Variants in UBL7 observed in about 807,000 individuals in gnomAD.
UBL7 encodes ubiquitin-like protein 7.
UBL7 carries 21 observed loss-of-function variants against 41.7 expected under a neutral mutation model. The observed-to-expected ratio is 0.50, with a 90% CI of 0.36 to 0.73. The LOEUF (loss-of-function observed/expected upper bound fraction) is 0.73. Ranked by LOEUF, UBL7 falls within the 30% of genes least tolerant of loss-of-function variation. The probability of loss-of-function intolerance (pLI) is 0.00; values close to 1 mark genes in which losing one functional copy is unlikely to be tolerated. For synonymous variants in UBL7, 157 were observed against 186.9 expected (o/e 0.84, Z 1.31); for missense variants, 403 against 478.4 (o/e 0.84, Z 1.47).
chr15:74,449,311 G>C lies in UBL7; in HGVS notation c.757C>G (p.Pro253Ala). The C allele has an allele frequency of 6.2e-7, 1 of 1,614,068 alleles. No homozygotes were observed. The highest frequency in any genetic ancestry group is 1.3e-5 in the African/African-American group (1 of 75,054). Residue 253 changes from proline (P) to alanine (A), a missense_variant, in exon 9 of 11, where the codon CCA (proline) becomes GCA (alanine). Pro to Ala is a conservative substitution (Grantham distance 27). Coordinates refer to ENST00000395081, the MANE Select transcript of UBL7 (RefSeq NM_032907.5). ...GCTCCACTGTACCCCAGGGAGGCTGGGCGGGAGCTGGGAGTACTGCTAGAG... is the reference window on the plus strand; with the variant it reads ...GCTCCACTGTACCCCAGGGAGGCTGCGCGGGAGCTGGGAGTACTGCTAGAG... ...TPSSSTPSSR[P>A]ASLGYSGAAG...
chr15:74,461,099 C>G lies in UBL7; in HGVS notation c.-92G>C, dbSNP rs1358590437. 3 of 999,756 alleles carry G rather than the reference C, an allele frequency of 3.0e-6. No homozygotes were observed. The highest frequency in any genetic ancestry group is 3.6e-6 in the Non-Finnish European group (3 of 837,314). The allele number at this position is 999,756 out of a possible 1,614,324, so 61.9% of individuals were successfully genotyped here. On this transcript the variant is annotated 5_prime_UTR_variant, in exon 1 of 11. Transcript: ENST00000395081. The stretch of plus-strand genomic sequence containing the variant: ...GAGCCCGCGCTGCCCAGGGCCCCAG[C>G]GCCCTCACCCGTCCCGCGGAAGGAA...
chr15:74,449,270 G>A lies in UBL7; in HGVS notation c.798C>T (p.Pro266=), dbSNP rs376258695. The change falls in exon 9 of 11, where the codon CCC becomes CCT. Residue 266 remains proline, a synonymous_variant. Transcript: ENST00000395081. ...LGYSGAAGPR[P]ITQSELATAL... is the part of the protein sequence containing the mutation. The stretch of plus-strand genomic sequence containing the variant: ...CGGTGGCCAGCTCACTCTGGGTGAT[G>A]GGCCGGGGCCCAGCAGCTCCACTGT... The A allele has an allele frequency of 1.9e-6, 3 of 1,612,860 alleles. No homozygotes were observed. The highest frequency in any genetic ancestry group is 1.7e-6 in the Non-Finnish European group (2 of 1,179,534).
intron 1 of UBL7, among the ~76,000 whole-genome samples, chr15:74,459,764 A>C (rs2061330529): frequency 6.6e-6 from 1 of 151,190 alleles, no homozygotes; most frequent in African/African-American, 2.4e-5. Context: ...TCAAGAGTTC[A>C]AGACCAGCCT....
In UBL7 at chr15:74,449,637, C is replaced by A; in HGVS notation, c.703G>T (p.Asp235Tyr). Reference protein sequence around the residue: ...LFEGLSDDEDDFHPNTRSTPS... With the variant: ...LFEGLSDDEDYFHPNTRSTPS... Reference sequence around the variant, plus strand: ...GGCAGGCCACTTACTGGGTGAAAGTCATCCTCATCATCTGAGAGCCCTTCA... The same window carrying A: ...GGCAGGCCACTTACTGGGTGAAAGTAATCCTCATCATCTGAGAGCCCTTCA... The change falls in exon 8 of 11, where the codon GAC becomes TAC. Residue 235 changes from aspartate to tyrosine, a missense_variant. Coordinates refer to ENST00000395081, the MANE Select transcript of UBL7 (RefSeq NM_032907.5). 6.2e-7 allele frequency: 1 copy of A among 1,614,126 alleles called. No homozygotes were observed. The highest frequency in any genetic ancestry group is 8.5e-7 in the Non-Finnish European group (1 of 1,180,032).
In UBL7 at chr15:74,458,713, T is replaced by C. The variant is rs1206395886; in HGVS notation, c.155A>G (p.Gln52Arg). The change falls in exon 2 of 11, where the codon CAG (glutamine) becomes CGG (arginine). Residue 52 changes from glutamine to arginine, a missense_variant. Physicochemically the swap from Gln to Arg is conservative, Grantham distance 43 (BLOSUM62 1). Transcript: ENST00000395081. ...CAGCTCAGGGTCTGGAACAGACTCC[T>C]GGAGTTTGCCAGCAATAAGCTGCTT... The part of the protein sequence containing the change: ...FLKQLIAGKL[Q>R]ESVPDPELID... 3 of 1,613,926 alleles carry C rather than the reference T, an allele frequency of 1.9e-6. No homozygotes were observed. The highest frequency in any genetic ancestry group is 2.2e-5 in the East Asian group (1 of 44,902).
intron 1 of UBL7, among the ~76,000 whole-genome samples, chr15:74,459,332 G>A (rs1253123499): frequency 2.1e-5 from 3 of 144,066 alleles, no homozygotes; most frequent in African/African-American, 2.6e-5. Flanking sequence ...ACGGAGTCTC[G>A]CTCTGTTGCC....
chr15:74,451,587 C>T (rs2061246928), intron 4 of UBL7, 67 bp from the exon 5 acceptor site: 1 of 1,303,270 alleles, frequency 7.7e-7, no homozygotes, highest in Non-Finnish European at 1.1e-6. Flanking sequence ...TGCCCACACT[C>T]TGCCAAAGGA....
chr15:74,457,272 G>A (rs1014430257), intron 2 of UBL7, among the ~76,000 whole-genome samples: 36 of 152,280 alleles, frequency 2.4e-4, no homozygotes, highest in African/African-American at 1.4e-4. Context: ...GGCCGGGCAC[G>A]GTGGCTCACA....
At chr15:74,460,009 C>A (rs2061333850) in intron 1 of UBL7, among the ~76,000 whole-genome samples, 2 of 144,974 alleles carry the variant, frequency 1.4e-5, no homozygotes, top group South Asian at 4.5e-4. Flanking sequence ...TGGGAGGCCG[C>A]GGAGGACGGA....
At chr15:74,450,517 T>G (rs1191711299) in intron 6 of UBL7, among the ~76,000 whole-genome samples, 2 of 152,240 alleles carry the variant, frequency 1.3e-5, no homozygotes, top group Non-Finnish European at 2.9e-5. Flanking sequence ...CTTCTCCTTT[T>G]GCCAGCTTAA....
At chr15:74,460,620 G>T in intron 1 of UBL7, 2 of 1,158,466 alleles carry the variant, frequency 1.7e-6, no homozygotes, top group Non-Finnish European at 2.2e-6. Flanking sequence ...ATTCTTGAAT[G>T]CCCTTGAAAA....
chr15:74,461,049 A>G lies in UBL7; in HGVS notation c.-42T>C. On this transcript the variant is annotated 5_prime_UTR_variant, in exon 1 of 11. Transcript: ENST00000395081. ...GTGGCGACCTCACCGCTCCAGTGGG[A>G]CCAGCTACTTGGCTGACACACATCG... 1 of 1,041,054 alleles carries G rather than the reference A, an allele frequency of 9.6e-7. No homozygotes were observed. The highest frequency in any genetic ancestry group is 1.2e-6 in the Non-Finnish European group (1 of 860,812). The allele number at this position is 1,041,054 out of a possible 1,614,324, so 64.5% of individuals were successfully genotyped here.
chr15:74,451,291 T>A, intron 5 of UBL7, 145 bp downstream of exon 5: 3 of 728,886 alleles, frequency 4.1e-6, no homozygotes, highest in Middle Eastern at 2.4e-4. Flanking sequence ...GCTGGGGATA[T>A]CAAACACACC....
At chr15:74,452,413 G>A (rs762648225) in intron 3 of UBL7, 35 bp from the exon 4 acceptor site, 18 of 1,545,544 alleles carry the variant, frequency 1.2e-5, no homozygotes, top group South Asian at 7.1e-5. Context: ...ACCCTATAGC[G>A]CAGGTCCTGT....
rs763609929 is a variant in UBL7, at chr15:74,450,833, A to T, written c.499T>A (p.Ser167Thr). The T allele has an allele frequency of 1.2e-6, 2 of 1,613,764 alleles. No individual in the cohort carries two copies. Among genetic ancestry groups the T allele is most frequent in the South Asian group, 2.2e-5 (2 of 91,078 alleles). ...AGCATATTGGGATCAGCGAAGACAG[A>T]GAAGAGGTCCTTGTCCTGGAGAACC... Reference protein sequence around the residue: ...LGVLQDKDLFSVFADPNMLDT... With the variant: ...LGVLQDKDLFTVFADPNMLDT... Residue 167 changes from serine (S) to threonine (T), a missense_variant, in exon 6 of 11, where the codon TCT (serine) becomes ACT (threonine). Coordinates refer to ENST00000395081, the MANE Select transcript of UBL7 (RefSeq NM_032907.5).
Position 74,459,932 on chromosome 15 carries a change from C to CAAAAAAAA in UBL7, c.-29-1044_-29-1037dup, listed in dbSNP as rs55846825. On this transcript the variant is annotated intron_variant, in intron 1 of 10. Coordinates refer to ENST00000395081, the MANE Select transcript of UBL7 (RefSeq NM_032907.5). Reference sequence around the variant, plus strand: ...TGGGTGACAGAGAGAGACTCTGTCGCAAAAAAAAAAAAAAAAAAAAAAAAA... The same window carrying CAAAAAAAA: ...TGGGTGACAGAGAGAGACTCTGTCGCAAAAAAAAAAAAAAAAAAAAAAAAAAAAAAAAA... 1.5e-3 allele frequency among the ~76,000 whole-genome samples: 27 copies of CAAAAAAAA among 18,270 alleles called. 6 individuals are homozygous for CAAAAAAAA. The highest frequency in any genetic ancestry group is 2.7e-3 in the African/African-American group (14 of 5,266). The allele number at this position is 18,270 out of a possible 152,430, so 12.0% of individuals were successfully genotyped here.
At chr15:74,450,184 T>G in intron 6 of UBL7, 115 bp from the exon 7 acceptor site, 3 of 1,264,848 alleles carry the variant, frequency 2.4e-6, no homozygotes, top group Non-Finnish European at 3.2e-6. Context: ...TGCTCTCAAA[T>G]TCCTCAGTCT....
intron 2 of UBL7, among the ~76,000 whole-genome samples, chr15:74,457,851 T>G (rs1162125030): frequency 6.6e-6 from 1 of 151,788 alleles, no homozygotes; most frequent in Non-Finnish European, 1.5e-5. Context: ...CAAAATAGGA[T>G]GAACCCAATC....
At chr15:74,449,794 A>G (rs1215296087) in intron 7 of UBL7, 119 bp from the exon 8 acceptor site, 4 of 1,542,588 alleles carry the variant, frequency 2.6e-6, no homozygotes, top group Admixed American at 1.9e-5. Context: ...GGAAAATTAC[A>G]GGACAGATGC....
Sources: allele counts gnomAD v4.1 joint callset (sites outside exome capture counted in the v4.1 genomes callset), GRCh38; gene constraint gnomAD v4.1.1; transcripts MANE v1.5; gene names NCBI Gene and HGNC (gene_info 2026-07-23, HGNC 2026-07-21).